The following PHF24 variants were observed in gnomAD, a reference collection of about 807,000 sequenced individuals.
PHF24 encodes the protein Galpha inhibitory interacting protein.
PHF24 carries 25 observed loss-of-function variants against 42.6 expected under a neutral mutation model. That is an observed-to-expected ratio of 0.59 (90% confidence interval 0.43 to 0.82). PHF24 has a LOEUF of 0.82. Ranked by LOEUF, PHF24 falls within the 40% of genes least tolerant of loss-of-function variation. The pLI is 0.00. For missense variants in PHF24, 470 were observed against 538.1 expected (o/e 0.87, Z 1.25); for synonymous variants, 185 against 204.8 (o/e 0.90, Z 0.83).
At chr9:34,690,518 C>A in the PHF24 span, among the ~76,000 whole-genome samples, 3 of 149,824 alleles carry the variant, frequency 2.0e-5, no homozygotes, top group African/African-American at 7.4e-5. Context: ...CATTATGCAC[C>A]AATATGGCTC....
chr9:34,884,889 T>C, the PHF24 span, among the ~76,000 whole-genome samples: 1 of 152,230 alleles, frequency 6.6e-6, no homozygotes, highest in South Asian at 2.1e-4. Context: ...CGAGCAATCA[T>C]GGTGGCCAGT....
the PHF24 span, among the ~76,000 whole-genome samples, chr9:34,742,483 C>A: frequency 2.0e-5 from 3 of 152,206 alleles, no homozygotes; most frequent in Admixed American, 6.5e-5. Flanking sequence ...GGCCCCCCAA[C>A]AAAGAACTGT....
chr9:34,915,026 CTTTTTTTTT>C, the PHF24 span, among the ~76,000 whole-genome samples: 4 of 37,458 alleles, frequency 1.1e-4, no homozygotes, highest in African/African-American at 2.4e-4. Flanking sequence ...TTTTTCTTTT[CTTTTTTTTT>C]TTTTTTTTTT....
intron 1 of PHF24, among the ~76,000 whole-genome samples, chr9:34,969,926 A>G (rs1826914995): frequency 6.6e-6 from 1 of 152,130 alleles, no homozygotes; most frequent in South Asian, 2.1e-4. Context: ...TTCAAGGTCC[A>G]CTTTGACCAC....
the PHF24 span, among the ~76,000 whole-genome samples, chr9:34,814,891 C>T: frequency 6.6e-6 from 1 of 152,158 alleles, no homozygotes; most frequent in Admixed American, 6.5e-5. Flanking sequence ...TAGGCGCCCG[C>T]CACCATGGCC....
the PHF24 span, among the ~76,000 whole-genome samples, chr9:34,927,036 C>T: frequency 6.6e-6 from 1 of 152,168 alleles, no homozygotes; most frequent in Non-Finnish European, 1.5e-5. Flanking sequence ...CGGTCCTGAG[C>T]ATGGGAGCAT....
At chr9:34,776,643 C>G in the PHF24 span, among the ~76,000 whole-genome samples, 2 of 152,192 alleles carry the variant, frequency 1.3e-5, no homozygotes, top group Non-Finnish European at 2.9e-5. Flanking sequence ...TCTTGTATCT[C>G]ACTGAGCTTC....
At chr9:34,835,259 G>C in the PHF24 span, 4 of 1,552,138 alleles carry the variant, frequency 2.6e-6, no homozygotes, top group African/African-American at 1.4e-5. Context: ...TCTGTGAAGA[G>C]AGACCTGAGA....
chr9:34,857,812 C>T, the PHF24 span, among the ~76,000 whole-genome samples: 1 of 152,198 alleles, frequency 6.6e-6, no homozygotes, highest in African/African-American at 2.4e-5. Context: ...CTTCCTTCTG[C>T]TTAGTCAGTT....
rs1405662121 is a variant in PHF24, at chr9:34,977,259, G to A, written c.1010+16G>A. 6 of 1,574,936 alleles carry A rather than the reference G, an allele frequency of 3.8e-6. No homozygotes were observed. Among genetic ancestry groups the A allele is most frequent in the Non-Finnish European group, 5.2e-6 (6 of 1,158,310 alleles). On this transcript the variant is annotated intron_variant, in intron 6 of 7. Transcript: ENST00000242315. The stretch of plus-strand genomic sequence containing the variant: ...GCAGTGTCAGGTCTGCTCCTTACCA[G>A]TCCTGGTCCCCACTCAGCCTCTCCT...
chr9:34,731,332 G>A, the PHF24 span, among the ~76,000 whole-genome samples: 1 of 152,006 alleles, frequency 6.6e-6, no homozygotes, highest in Non-Finnish European at 1.5e-5. Context: ...AATTATTATT[G>A]ACTGTAACCA....
the PHF24 span, among the ~76,000 whole-genome samples, chr9:34,949,728 C>T: frequency 1.6e-4 from 24 of 152,162 alleles, no homozygotes; most frequent in East Asian, 5.8e-4. Context: ...AAACCATCAT[C>T]CTCAGCAAAC....
the PHF24 span, among the ~76,000 whole-genome samples, chr9:34,822,211 G>A: frequency 1.3e-5 from 2 of 151,760 alleles, no homozygotes; most frequent in African/African-American, 2.4e-5. Flanking sequence ...TACATTTACC[G>A]ACATAGTTAT....
chr9:34,669,072 G>A, the PHF24 span, among the ~76,000 whole-genome samples: 20 of 152,140 alleles, frequency 1.3e-4, no homozygotes, highest in African/African-American at 3.6e-4. Context: ...GAGTTGTCCC[G>A]CCTTTCCAGA....
chr9:34,699,505 C>T, the PHF24 span, among the ~76,000 whole-genome samples: 1 of 152,188 alleles, frequency 6.6e-6, no homozygotes, highest in African/African-American at 2.4e-5. Context: ...TGTAAGTGGT[C>T]CCTTCACTAA....
the PHF24 span, among the ~76,000 whole-genome samples, chr9:34,686,005 G>A: frequency 1.3e-5 from 2 of 152,192 alleles, no homozygotes; most frequent in African/African-American, 4.8e-5. Context: ...CTGTACCTCA[G>A]TTTTCTCAGC....
the PHF24 span, among the ~76,000 whole-genome samples, chr9:34,776,308 A>C: frequency 1.3e-5 from 2 of 152,316 alleles, no homozygotes; most frequent in East Asian, 3.9e-4. Context: ...TTCCACCCAG[A>C]ACCTTGCTCT....
chr9:34,921,353 T>C, the PHF24 span, among the ~76,000 whole-genome samples: 2 of 151,066 alleles, frequency 1.3e-5, no homozygotes, highest in African/African-American at 4.9e-5. Context: ...GTTAGGCAAG[T>C]ATCAAAAAAA....
the PHF24 span, among the ~76,000 whole-genome samples, chr9:34,798,447 C>G: frequency 1.8e-3 from 274 of 152,298 alleles, 5 homozygotes; most frequent in African/African-American, 6.3e-3. Context: ...CACCCACTTA[C>G]AAGTGAGAAC....
Sources: gnomAD v4.1 joint callset for allele counts (sites outside exome capture counted in the v4.1 genomes callset) on GRCh38, gnomAD v4.1.1 for gene constraint, MANE v1.5 for transcripts, NCBI Gene and HGNC (gene_info 2026-07-23, HGNC 2026-07-21) for gene names.